NRG1: variants seen among roughly 807,000 people sequenced by gnomAD.
The protein encoded by NRG1 is neuregulin 1.
A neutral mutation model predicts 63.8 loss-of-function variants in NRG1; 18 were observed. That is an observed-to-expected ratio of 0.28 (90% CI 0.19 to 0.42). NRG1 has a LOEUF of 0.42. Among genes scored for constraint, NRG1 ranks in the 10% least tolerant of loss-of-function variants. NRG1 has a pLI of 1.00. For missense variants in NRG1, 762 were observed against 814.7 expected, an observed-to-expected ratio of 0.94 and a Z score of 0.79; for synonymous variants, 302 against 301.3, an observed-to-expected ratio of 1.00 and a Z score of -0.02.
intron 1 of NRG1, among the ~76,000 whole-genome samples, chr8:32,089,820 A>C (rs971484115): frequency 6.6e-6 from 1 of 152,230 alleles, no homozygotes; most frequent in Non-Finnish European, 1.5e-5. Context: ...AAAAAAGAAC[A>C]TATCTATGAC....
At chr8:32,616,873 A>G in exon 5 of NRG1, 1 of 1,597,718 alleles carries the variant, frequency 6.3e-7, no homozygotes, top group South Asian at 1.1e-5. Context: ...AGAAGGAGCA[A>G]ATACTTCTTC....
At chr8:31,855,640 T>A (rs1342908299) in intron 1 of NRG1, among the ~76,000 whole-genome samples, 1 of 152,210 alleles carries the variant, frequency 6.6e-6, no homozygotes, top group Non-Finnish European at 1.5e-5. Context: ...TATGTGTGAA[T>A]TTGATCCTGT....
At chr8:32,445,751 A>G (rs1820155489) in intron 1 of NRG1, among the ~76,000 whole-genome samples, 1 of 152,176 alleles carries the variant, frequency 6.6e-6, no homozygotes, top group Admixed American at 6.5e-5. Flanking sequence ...TAAGGAAGGC[A>G]TAATTGATAT....
intron 1 of NRG1, among the ~76,000 whole-genome samples, chr8:32,002,181 G>A (rs1424208213): frequency 1.3e-5 from 2 of 151,730 alleles, no homozygotes; most frequent in Admixed American, 6.6e-5. Context: ...ATGCCACCAC[G>A]CCCAGCAAAT....
intron 1 of NRG1, among the ~76,000 whole-genome samples, chr8:31,976,606 C>G (rs954487294): frequency 6.6e-6 from 1 of 152,094 alleles, no homozygotes; most frequent in African/African-American, 2.4e-5. Flanking sequence ...ATTATTCCAT[C>G]TCAGCTGTTT....
intron 1 of NRG1, among the ~76,000 whole-genome samples, chr8:31,949,802 T>A (rs1442545095): frequency 6.6e-6 from 1 of 152,202 alleles, no homozygotes; most frequent in Non-Finnish European, 1.5e-5. Context: ...ACCCTGGATA[T>A]CTCTCAGTAT....
chr8:31,864,698 ATTAAC>A (rs1828793855), intron 1 of NRG1, among the ~76,000 whole-genome samples: 1 of 152,200 alleles, frequency 6.6e-6, no homozygotes, highest in Non-Finnish European at 1.5e-5. Context: ...ATGTTTAGTT[ATTAAC>A]TTAGAACAGT....
chr8:32,563,585 C>T (rs566574495), intron 1 of NRG1, among the ~76,000 whole-genome samples: 1 of 152,136 alleles, frequency 6.6e-6, no homozygotes, highest in Non-Finnish European at 1.5e-5. Context: ...GTATGTGATA[C>T]AATTGAAGTT....
intron 1 of NRG1, among the ~76,000 whole-genome samples, chr8:32,371,516 TA>T (rs1808857524): frequency 6.6e-6 from 1 of 152,130 alleles, no homozygotes; most frequent in African/African-American, 2.4e-5. Context: ...ATAGCCACGT[TA>T]AAAAAACAAC....
At chr8:32,762,168 A>T (rs1048208831) in intron 11 of NRG1, among the ~76,000 whole-genome samples, 4 of 152,186 alleles carry the variant, frequency 2.6e-5, no homozygotes, top group African/African-American at 9.7e-5. Flanking sequence ...CCTGCAACCA[A>T]TCTATGAAAA....
Position 32,548,306 on chromosome 8 carries a change from C to G in NRG1, c.-421C>G. ...ATTGAAAAAGAGCCGGCGAGGAGTT[C>G]CCCGAAACTTGTTGGAACTCCGGGC... On this transcript the variant is annotated 5_prime_UTR_variant, in exon 1 of 12. Coordinates refer to ENST00000356819, the Ensembl canonical transcript of NRG1. 2.0e-6 allele frequency: 2 copies of G among 991,742 alleles called. No individual in the cohort carries two copies. Among genetic ancestry groups the G allele is most frequent in the Non-Finnish European group, 2.4e-6 (2 of 834,368 alleles). 61.4% of individuals were successfully genotyped at this position (991,742 alleles called of 1,614,324 possible).
chr8:32,057,597 G>A (rs976911743), intron 1 of NRG1, among the ~76,000 whole-genome samples: 1 of 152,106 alleles, frequency 6.6e-6, no homozygotes, highest in African/African-American at 2.4e-5. Flanking sequence ...GTTCCCCACT[G>A]CCCATGTTTT....
At chr8:31,738,964 C>T (rs1213445144) in intron 1 of NRG1, among the ~76,000 whole-genome samples, 1 of 152,054 alleles carries the variant, frequency 6.6e-6, no homozygotes, top group Non-Finnish European at 1.5e-5. Flanking sequence ...TTCTGAGGCA[C>T]CGGGGGTTAG....
chr8:31,943,550 A>ATAAG (rs1802092473), intron 1 of NRG1, among the ~76,000 whole-genome samples: 1 of 151,940 alleles, frequency 6.6e-6, no homozygotes, highest in Admixed American at 6.6e-5. Flanking sequence ...AAATAAATAA[A>ATAAG]TAAATAAATT....
At chr8:32,044,912 G>GAAAAAAAAAAAAAAAA in intron 1 of NRG1, among the ~76,000 whole-genome samples, 1 of 3,680 alleles carries the variant, frequency 2.7e-4, no homozygotes, top group Admixed American at 4.5e-3. Flanking sequence ...ATAAAGAAAA[G>GAAAAAAAAAAAAAAAA]CAAAAAAAAA....
intron 1 of NRG1, among the ~76,000 whole-genome samples, chr8:31,691,937 ATCC>A (rs1809572031): frequency 6.6e-6 from 1 of 152,114 alleles, no homozygotes; most frequent in Admixed American, 6.5e-5. Context: ...GGCTCAAGGA[ATCC>A]TCCTGCCTCA....
chr8:32,134,272 AT>A (rs1373559659), intron 1 of NRG1, among the ~76,000 whole-genome samples: 1 of 152,148 alleles, frequency 6.6e-6, no homozygotes, highest in Admixed American at 6.6e-5. Context: ...AATTTTAAGT[AT>A]AATTGCTTAT....
At chr8:32,226,897 T>C (rs1846383901) in intron 1 of NRG1, among the ~76,000 whole-genome samples, 1 of 152,232 alleles carries the variant, frequency 6.6e-6, no homozygotes, top group Non-Finnish European at 1.5e-5. Flanking sequence ...TGCTGATTTC[T>C]ATTTGTTCTA....
intron 5 of NRG1, among the ~76,000 whole-genome samples, chr8:32,712,979 T>A (rs556037538): frequency 2.6e-5 from 4 of 152,280 alleles, no homozygotes; most frequent in Non-Finnish European, 4.4e-5. Context: ...GTGAAAATGG[T>A]CAGCTTTGTT....
Sources: gnomAD v4.1 joint callset for allele counts (sites outside exome capture counted in the v4.1 genomes callset) on GRCh38, gnomAD v4.1.1 for gene constraint, MANE v1.5 for transcripts, NCBI Gene and HGNC (gene_info 2026-07-23, HGNC 2026-07-21) for gene names.